Variants in UGGT1 observed in about 807,000 individuals in gnomAD.
The protein encoded by UGGT1 is UDP-glucose:glycoprotein glucosyltransferase 1.
UGGT1 carries 107 observed loss-of-function variants against 203.9 expected under a neutral mutation model. The ratio of observed to expected loss-of-function variants is 0.52; its 90% CI spans 0.45 to 0.62. The LOEUF (loss-of-function observed/expected upper bound fraction) is 0.62. UGGT1 is among the 20% of genes least tolerant of loss of function. UGGT1 has a pLI of 0.00. For synonymous variants in UGGT1, 628 were observed against 653.5 expected, an observed-to-expected ratio of 0.96 and a Z score of 0.59; for missense variants, 1,673 against 1,867.2, an observed-to-expected ratio of 0.90 and a Z score of 1.92.
intron 26 of UGGT1, among the ~76,000 whole-genome samples, chr2:128,166,335 A>T (rs1690787590): frequency 6.6e-6 from 1 of 152,174 alleles, no homozygotes. Flanking sequence ...TTTTTCCTGC[A>T]CCATTTGGAA....
rs141135216 is a variant in UGGT1 at position 128,137,208 on chromosome 2, G to A, written c.1584-1509G>A. Among the ~76,000 whole-genome samples, 814 of 152,260 alleles carry A rather than the reference G, an allele frequency of 5.3e-3. 7 individuals carry two copies. Among genetic ancestry groups the A allele is most frequent in the African/African-American group, 0.019 (784 of 41,556 alleles). The stretch of plus-strand genomic sequence containing the variant: ...AAGGTGGGAGGATCGCTTGAGGCCA[G>A]GATTTGAGATCACCATGGGCAACAT... On this transcript the variant is annotated intron_variant, in intron 15 of 40. Coordinates refer to ENST00000259253, the MANE Select transcript of UGGT1 (RefSeq NM_020120.4).
At chr2:128,148,418 G>A (rs1689795827) in intron 18 of UGGT1, among the ~76,000 whole-genome samples, 1 of 152,116 alleles carries the variant, frequency 6.6e-6, no homozygotes, top group African/African-American at 2.4e-5. Flanking sequence ...TTTCATGTGT[G>A]GCTTCTGAAG....
At chr2:128,155,003 A>G (rs1366738211) in intron 19 of UGGT1, among the ~76,000 whole-genome samples, 1 of 152,246 alleles carries the variant, frequency 6.6e-6, no homozygotes, top group East Asian at 1.9e-4. Flanking sequence ...ATGCAAAAAG[A>G]GTGAAAATGA....
chr2:128,091,222 G>A lies in UGGT1; in HGVS notation c.-136G>A. The A allele has an allele frequency of 1.0e-6, 1 of 963,562 alleles. No individual in the cohort carries two copies. The highest frequency in any genetic ancestry group is 1.5e-6 in the Non-Finnish European group (1 of 683,984). 59.7% of individuals were successfully genotyped at this position (963,562 alleles called of 1,614,324 possible). On this transcript the variant is annotated 5_prime_UTR_variant, in exon 1 of 41. Transcript: ENST00000259253. ...GGCAGCTGGGCAATTGCTTTGCGAG[G>A]CTGGGTGTTGAGTCGAGCCGCGGGA...
chr2:128,141,104 A>C (rs1573560677), intron 16 of UGGT1, among the ~76,000 whole-genome samples: 1 of 152,074 alleles, frequency 6.6e-6, no homozygotes, highest in Admixed American at 6.5e-5. Flanking sequence ...GAGGGAGATC[A>C]CCTGAGGTCA....
At chr2:128,163,783 G>A (rs1005290588) in intron 25 of UGGT1, among the ~76,000 whole-genome samples, 2 of 152,140 alleles carry the variant, frequency 1.3e-5, no homozygotes, top group African/African-American at 4.8e-5. Flanking sequence ...TTACTTCAGT[G>A]TTAATTGTAA....
Position 128,130,256 on chromosome 2 carries a change from G to A in UGGT1, c.1377+1077G>A, listed in dbSNP as rs1438133074. 3.0e-5 allele frequency among the ~76,000 whole-genome samples: 4 copies of A among 133,998 alleles called. No homozygotes were observed. In the East Asian group the frequency reaches 8.0e-4, roughly 27 times the overall value. 87.9% of individuals were successfully genotyped at this position (133,998 alleles called of 152,430 possible). ...AGTCTGGGTGACAGAGCAAGACTCC[G>A]TCACAAAAAAAAAAAAAAAAATAGA... On this transcript the variant is annotated intron_variant, in intron 13 of 40. Coordinates refer to ENST00000259253, the MANE Select transcript of UGGT1 (RefSeq NM_020120.4).
Position 128,161,201 on chromosome 2 carries a change from A to C in UGGT1, c.2758A>C (p.Ile920Leu). 6.2e-7 allele frequency: 1 copy of C among 1,614,088 alleles called. No individual in the cohort carries two copies. The highest frequency in any genetic ancestry group is 8.5e-7 in the Non-Finnish European group (1 of 1,180,000). ...AGACGATTTCCACCTCCTCGAAAAT[A>C]TCATCTTAAAAACCTCAGGACAGAA... is the stretch of plus-strand genomic sequence containing the variant. ...NQDDFHLLEN[I>L]ILKTSGQKIK... Residue 920 changes from isoleucine to leucine, a missense_variant, in exon 25 of 41, where the codon ATC (isoleucine) becomes CTC (leucine). By Grantham distance (5) the Ile-to-Leu change is conservative (BLOSUM62 2). Around this residue, in one of 4 missense-constraint regions of UGGT1, gnomAD observed 1,073 missense variants for 1,078.7 expected, o/e 0.99. Coordinates refer to ENST00000259253, the MANE Select transcript of UGGT1 (RefSeq NM_020120.4).
Position 128,116,673 on chromosome 2 carries a change from C to T in UGGT1, c.872+330C>T, listed in dbSNP as rs528854178. Among the ~76,000 whole-genome samples, 8 of 151,914 alleles carry T rather than the reference C, an allele frequency of 5.3e-5. No individual in the cohort carries two copies. In the South Asian group the frequency reaches 8.3e-4, roughly 16 times the overall value. ...CCAAGTAGCTGGGATTACAGGCATG[C>T]ACCACCACACCCGGCTAATTTTTGT... On this transcript the variant is annotated intron_variant, in intron 8 of 40. Coordinates refer to ENST00000259253, the MANE Select transcript of UGGT1 (RefSeq NM_020120.4).
intron 18 of UGGT1, among the ~76,000 whole-genome samples, chr2:128,150,080 C>T (rs999574952): frequency 1.1e-4 from 16 of 152,154 alleles, no homozygotes; most frequent in African/African-American, 3.9e-4. Context: ...TATGTATATA[C>T]CTTTGTACAT....
rs565309759 is a variant in UGGT1 at position 128,134,053 on chromosome 2, C to T, written c.1497+793C>T. Among the ~76,000 whole-genome samples the T allele has an allele frequency of 5.9e-5, 9 of 152,192 alleles. No homozygotes were observed. The East Asian group carries it at 1.2e-3, about 20-fold the overall frequency. On this transcript the variant is annotated intron_variant, in intron 14 of 40. Transcript: ENST00000259253. ...CTGTCTCTTTTCTTCCCCCCACTCC[C>T]GCAGAAAGAGTCTTGCTCTGTTGCC...
At chr2:128,139,280 CTTG>C (rs909001952) in intron 16 of UGGT1, among the ~76,000 whole-genome samples, 3 of 152,230 alleles carry the variant, frequency 2.0e-5, no homozygotes, top group African/African-American at 7.2e-5. Flanking sequence ...GAGACCAGAT[CTTG>C]TTGTGTTGCT....
intron 8 of UGGT1, among the ~76,000 whole-genome samples, chr2:128,116,586 G>T (rs532433055): frequency 2.6e-5 from 4 of 151,852 alleles, no homozygotes; most frequent in Non-Finnish European, 5.9e-5. Flanking sequence ...GTGCAGTGGC[G>T]TGATCTCGAC....
chr2:128,145,640 A>G, intron 17 of UGGT1, 163 bp from the exon 18 acceptor site: 2 of 695,074 alleles, frequency 2.9e-6, no homozygotes, highest in East Asian at 3.1e-5. Flanking sequence ...ATTAACTTTG[A>G]TGTCATTTTT....
intron 8 of UGGT1, among the ~76,000 whole-genome samples, chr2:128,119,562 C>T (rs1020784692): frequency 1.6e-4 from 25 of 152,138 alleles, no homozygotes; most frequent in Non-Finnish European, 3.1e-4. Flanking sequence ...GTGGAATATG[C>T]TATATTTAAA....
intron 13 of UGGT1, among the ~76,000 whole-genome samples, chr2:128,131,703 C>G (rs1035438634): frequency 9.8e-5 from 15 of 152,298 alleles, no homozygotes; most frequent in African/African-American, 3.6e-4. Flanking sequence ...TCTCAGCTCA[C>G]TGCAACTTCC....
chr2:128,145,972 G>C lies in UGGT1; in HGVS notation c.2016+5G>C. ...TTCCAAAGAGCGGTGTACTTGGTGA[G>C]TCACGTTTCAAGGCTGATTTTTTAA... On this transcript the variant is annotated splice_donor_5th_base_variant and intron_variant, in intron 18 of 40. Coordinates refer to ENST00000259253, the MANE Select transcript of UGGT1 (RefSeq NM_020120.4). 6.2e-7 allele frequency: 1 copy of C among 1,613,750 alleles called. No individual in the cohort carries two copies.
chr2:128,169,048 TAAAAAA>T (rs544381740), intron 26 of UGGT1, among the ~76,000 whole-genome samples: 1 of 52,566 alleles, frequency 1.9e-5, no homozygotes, highest in African/African-American at 1.0e-4. Context: ...ACTCTGTCTT[TAAAAAA>T]AAAAAAAAAA....
intron 9 of UGGT1, 91 bp downstream of exon 9, chr2:128,120,547 T>A: frequency 1.1e-6 from 1 of 947,918 alleles, no homozygotes; most frequent in Non-Finnish European, 1.7e-6. Context: ...TTGTATGTAG[T>A]ACGTGATTCT....
Sources: allele counts gnomAD v4.1 joint callset (sites outside exome capture counted in the v4.1 genomes callset), GRCh38; gene constraint gnomAD v4.1.1; regional missense constraint gnomAD v4.1.1; transcripts MANE v1.5; gene names NCBI Gene and HGNC (gene_info 2026-07-23, HGNC 2026-07-21).